The following PTP4A2 variants were observed in gnomAD, a reference collection of about 807,000 sequenced individuals.
PTP4A2 encodes the protein protein tyrosine phosphatase 4A2, also known as protein tyrosine phosphatase type IVA 2.
In PTP4A2, 2 loss-of-function variants were observed where a neutral mutation model predicts 22.9. The ratio of observed to expected loss-of-function variants is 0.09; its 90% CI spans 0.04 to 0.27. PTP4A2 has a LOEUF of 0.27. Ranked by LOEUF, PTP4A2 falls within the 10% of genes least tolerant of loss-of-function variation. The pLI, the probability that PTP4A2 is intolerant of heterozygous loss-of-function variation, is 1.00. For missense variants in PTP4A2, 103 were observed against 205.1 expected, an observed-to-expected ratio of 0.50 and a Z score of 3.04; for synonymous variants, 68 against 69.1, an observed-to-expected ratio of 0.98 and a Z score of 0.08.
chr1:31,922,582 G>GTTTGTTTC (rs1553211653), intron 1 of PTP4A2, among the ~76,000 whole-genome samples: 2 of 141,724 alleles, frequency 1.4e-5, no homozygotes, highest in Admixed American at 1.5e-4. Flanking sequence ...AAAAACCCAG[G>GTTTGTTTC]TTTGTTTCTT....
intron 1 of PTP4A2, among the ~76,000 whole-genome samples, chr1:31,931,509 G>C (rs1652726620): frequency 6.6e-6 from 1 of 152,166 alleles, no homozygotes; most frequent in South Asian, 2.1e-4. Context: ...GGCCTCCCCT[G>C]ATCTACTGAG....
chr1:31,931,315 G>C (rs1264752220), intron 1 of PTP4A2, among the ~76,000 whole-genome samples: 2 of 152,200 alleles, frequency 1.3e-5, no homozygotes, highest in African/African-American at 4.8e-5. Flanking sequence ...AAGGAACCAT[G>C]GTAGTGTGAC....
intron 4 of PTP4A2, 49 bp downstream of exon 4, chr1:31,911,647 G>A (rs566501255): frequency 1.3e-6 from 2 of 1,486,394 alleles, no homozygotes; most frequent in South Asian, 1.4e-5. Flanking sequence ...AACTAACTTA[G>A]GCATGGTAAT....
rs1487892059 is a variant in PTP4A2, at chr1:31,938,047, T to C, written c.-654A>G. 1 of 149,996 alleles carries C rather than the reference T, an allele frequency of 6.7e-6. No individual in the cohort carries two copies. The allele number at this position is 149,996 out of a possible 1,614,324, so 9.3% of individuals were successfully genotyped here. On this transcript the variant is annotated 5_prime_UTR_variant, in exon 1 of 6. Coordinates refer to ENST00000647444, the MANE Select transcript of PTP4A2 (RefSeq NM_080391.4). This position sits in a 1 kb window ranked among gnomAD's most constrained non-coding sequence, Gnocchi z 4.4. ...GGTGGCGGGAGCGAGGAGGCGCCTC[T>C]CTCCTCAGTCACCTCGGCGGCGGCG...
chr1:31,909,990 G>A, intron 5 of PTP4A2, 48 bp downstream of exon 5: 1 of 1,479,494 alleles, frequency 6.8e-7, no homozygotes, highest in Non-Finnish European at 9.4e-7. Context: ...CCTTCCTCAT[G>A]CATGATCTTG....
chr1:31,926,149 A>ATATAT (rs1553212253), intron 1 of PTP4A2, among the ~76,000 whole-genome samples: 113 of 131,338 alleles, frequency 8.6e-4, no homozygotes, highest in African/African-American at 1.8e-3. Flanking sequence ...AAAAAAAAAA[A>ATATAT]ATATATATAT....
At chr1:31,917,362 C>A (rs1158759088) in intron 2 of PTP4A2, among the ~76,000 whole-genome samples, 1 of 152,102 alleles carries the variant, frequency 6.6e-6, no homozygotes, top group East Asian at 1.9e-4. Context: ...ATTTTAATTG[C>A]TAAAGGACTT....
intron 1 of PTP4A2, among the ~76,000 whole-genome samples, chr1:31,930,170 C>G (rs1326993339): frequency 6.6e-6 from 1 of 152,000 alleles, no homozygotes; most frequent in Admixed American, 6.6e-5. Flanking sequence ...AACCCCGTCT[C>G]TACTAAAAAT....
At chr1:31,935,195 CA>C (rs1652882262) in intron 1 of PTP4A2, among the ~76,000 whole-genome samples, 1 of 152,168 alleles carries the variant, frequency 6.6e-6, no homozygotes. Flanking sequence ...AAATAAAAAA[CA>C]TAAGACGCTG....
rs1651164595 is a variant in PTP4A2, at chr1:31,906,423, G to C, written c.*2429C>G. On this transcript the variant is annotated 3_prime_UTR_variant, in exon 6 of 6. Transcript: ENST00000647444. ...GATGGAGGAAAAAAATGCACAAAGA[G>C]CGTGTAAAATATGTTTTATTGTTCT... 1.3e-5 allele frequency: 2 copies of C among 152,088 alleles called. No individual in the cohort carries two copies. The highest frequency in any genetic ancestry group is 2.9e-5 in the Non-Finnish European group (2 of 68,028). The allele number at this position is 152,088 out of a possible 1,614,324, so 9.4% of individuals were successfully genotyped here.
chr1:31,920,469 A>T (rs1652089195), intron 1 of PTP4A2, among the ~76,000 whole-genome samples: 1 of 151,530 alleles, frequency 6.6e-6, no homozygotes, highest in Non-Finnish European at 1.5e-5. Context: ...AAAAAAAATC[A>T]GAGACTCGAT....
At chr1:31,911,565 T>C in intron 4 of PTP4A2, 131 bp downstream of exon 4, 1 of 877,242 alleles carries the variant, frequency 1.1e-6, no homozygotes, top group Non-Finnish European at 1.6e-6. Flanking sequence ...TTTCCTCTCA[T>C]TTCCTTTCCT....
At chr1:31,916,920 T>C (rs926851232) in intron 2 of PTP4A2, among the ~76,000 whole-genome samples, 5 of 152,210 alleles carry the variant, frequency 3.3e-5, no homozygotes, top group Non-Finnish European at 5.9e-5. Flanking sequence ...TTTATATTTT[T>C]ATGAAATAAA....
At chr1:31,928,393 T>G (rs1415700848) in intron 1 of PTP4A2, among the ~76,000 whole-genome samples, 1 of 151,748 alleles carries the variant, frequency 6.6e-6, no homozygotes, top group Non-Finnish European at 1.5e-5. Context: ...TAAGATGCTT[T>G]TTTTACTGTT....
intron 1 of PTP4A2, among the ~76,000 whole-genome samples, chr1:31,936,683 G>A (rs1652946890): frequency 6.6e-6 from 1 of 152,184 alleles, no homozygotes; most frequent in East Asian, 1.9e-4. Flanking sequence ...AAAATGCCAA[G>A]ATCAGAATAC....
chr1:31,916,384 T>G (rs773531733), intron 2 of PTP4A2, among the ~76,000 whole-genome samples: 3,572 of 141,102 alleles, frequency 0.025, 159 homozygotes, highest in Middle Eastern at 0.071. Flanking sequence ...AAATCTACTA[T>G]TATAAATTAA....
Position 31,922,586 on chromosome 1 carries a change from G to C in PTP4A2, c.-593-2928C>G, listed in dbSNP as rs570838314. Among the ~76,000 whole-genome samples, 399 of 146,108 alleles carry C rather than the reference G, an allele frequency of 2.7e-3. 2 individuals carry two copies. The highest frequency in any genetic ancestry group is 3.5e-3 in the Middle Eastern group (1 of 288). On this transcript the variant is annotated intron_variant, in intron 1 of 5. Transcript: ENST00000647444. Reference sequence around the variant, plus strand: ...AGCTTAAGAACAAAAACCCAGGTTTGTTTCTTTCTTTCTTTCTTTCTTTCT... The same window carrying C: ...AGCTTAAGAACAAAAACCCAGGTTTCTTTCTTTCTTTCTTTCTTTCTTTCT...
chr1:31,920,929 G>C (rs189890707), intron 1 of PTP4A2, among the ~76,000 whole-genome samples: 2 of 152,242 alleles, frequency 1.3e-5, no homozygotes, highest in East Asian at 3.9e-4. Flanking sequence ...AAAATAAGGT[G>C]TACCTATAAA....
intron 3 of PTP4A2, chr1:31,913,043 A>G: frequency 4.4e-6 from 2 of 454,168 alleles, no homozygotes; most frequent in South Asian, 3.1e-5. Context: ...AAACAATATA[A>G]AACATGCTTC....
Sources: gnomAD v4.1 joint callset for allele counts (sites outside exome capture counted in the v4.1 genomes callset) on GRCh38, gnomAD v4.1.1 for gene constraint, Gnocchi (gnomAD v3.1) non-coding constraint, MANE v1.5 for transcripts, NCBI Gene and HGNC (gene_info 2026-07-23, HGNC 2026-07-21) for gene names.